The following ADCY10 variants were observed in gnomAD, a reference collection of about 807,000 sequenced individuals.
ADCY10 encodes the protein adenylate cyclase type 10.
ADCY10 carries 156 observed loss-of-function variants against 183.3 expected under a neutral mutation model. That is an observed-to-expected ratio of 0.85 (90% confidence interval 0.75 to 0.97). The LOEUF is 0.97. Among genes scored for constraint, ADCY10 ranks in the 50% least tolerant of loss-of-function variants. ADCY10 has a pLI of 0.00. For missense variants in ADCY10, 1,745 were observed against 1,934.3 expected, an observed-to-expected ratio of 0.90 and a Z score of 1.84; for synonymous variants, 645 against 670.0, an observed-to-expected ratio of 0.96 and a Z score of 0.58.
chr1:167,874,477 A>T (rs1667315816), intron 13 of ADCY10, among the ~76,000 whole-genome samples: 1 of 152,230 alleles, frequency 6.6e-6, no homozygotes. Context: ...GATTGATAAA[A>T]CTAAGTTGTT....
At chr1:167,851,718 G>A (rs1167405151) in intron 18 of ADCY10, among the ~76,000 whole-genome samples, 1 of 151,948 alleles carries the variant, frequency 6.6e-6, no homozygotes, top group Non-Finnish European at 1.5e-5. Context: ...CAGATACTCG[G>A]GAGGCTGAGG....
intron 30 of ADCY10, among the ~76,000 whole-genome samples, 157 bp downstream of exon 30, chr1:167,821,867 T>C (rs1163553436): frequency 6.6e-6 from 1 of 152,234 alleles, no homozygotes; most frequent in Non-Finnish European, 1.5e-5. Context: ...ATGAACTAGT[T>C]GATCCCTAAC....
intron 3 of ADCY10, among the ~76,000 whole-genome samples, chr1:167,902,828 C>T (rs1669531472): frequency 6.6e-6 from 1 of 152,216 alleles, no homozygotes; most frequent in African/African-American, 2.4e-5. Context: ...CTAAAGTTTT[C>T]AGTTCACTCT....
At chr1:167,864,773 G>C (rs1209128446) in intron 14 of ADCY10, among the ~76,000 whole-genome samples, 1 of 152,088 alleles carries the variant, frequency 6.6e-6, no homozygotes, top group East Asian at 1.9e-4. Flanking sequence ...CCACTTTGTT[G>C]TTAGTGTAAA....
In ADCY10 at chr1:167,851,830, G is replaced by T. The variant is rs1279174693; in HGVS notation, c.2308+2523C>A. On this transcript the variant is annotated intron_variant, in intron 18 of 32. Transcript: ENST00000367851. ...AGAGTGTCTCAAAAAAAAAAAAAAA[G>T]AAATTTAACATTGATACAATACTTT... Among the ~76,000 whole-genome samples the T allele has an allele frequency of 3.5e-5, 5 of 144,836 alleles. No individual in the cohort carries two copies. In the South Asian group the frequency reaches 1.1e-3, roughly 32 times the overall value.
intron 3 of ADCY10, 89 bp from the exon 4 acceptor site, chr1:167,902,143 G>T: frequency 7.8e-7 from 1 of 1,275,224 alleles, no homozygotes; most frequent in Admixed American, 1.7e-5. Context: ...TAGAAACTAG[G>T]TCAAAAGAAC....
At chr1:167,900,177 T>C (rs571236601) in intron 5 of ADCY10, among the ~76,000 whole-genome samples, 1 of 152,346 alleles carries the variant, frequency 6.6e-6, no homozygotes, top group African/African-American at 2.4e-5. Flanking sequence ...ATATGACATG[T>C]ACACAAAATA....
Position 167,822,018 on chromosome 1 carries a change from T to G in ADCY10, c.4286+6A>C. 1 of 1,533,054 alleles carries G rather than the reference T, an allele frequency of 6.5e-7. No homozygotes were observed. The highest frequency in any genetic ancestry group is 1.1e-5 in the South Asian group (1 of 89,346). 95.0% of individuals were successfully genotyped at this position (1,533,054 alleles called of 1,614,324 possible). On this transcript the variant is annotated splice_donor_region_variant and intron_variant, in intron 30 of 32. Transcript: ENST00000367851. ...GGGAATTTAGTGATATGCCACACAT[T>G]GTTACCAGATAGCTACAGAGGAATA...
intron 9 of ADCY10, among the ~76,000 whole-genome samples, chr1:167,882,789 C>G (rs983473874): frequency 2.6e-5 from 4 of 152,142 alleles, no homozygotes; most frequent in African/African-American, 9.7e-5. Flanking sequence ...ATCCCAGCCT[C>G]CCCCTTACTA....
At chr1:167,897,301 C>A (rs1302792215) in intron 6 of ADCY10, among the ~76,000 whole-genome samples, 1 of 140,178 alleles carries the variant, frequency 7.1e-6, no homozygotes, top group Non-Finnish European at 1.5e-5. Flanking sequence ...GCCTGGGTAA[C>A]AATGGTGAAA....
intron 14 of ADCY10, 151 bp from the exon 15 acceptor site, chr1:167,861,214 T>A: frequency 1.4e-6 from 1 of 702,378 alleles, no homozygotes; most frequent in Non-Finnish European, 2.5e-6. Context: ...TATTGCTGCT[T>A]CTGATATACT....
intron 21 of ADCY10, among the ~76,000 whole-genome samples, chr1:167,844,931 G>A (rs1335025445): frequency 6.6e-6 from 1 of 152,142 alleles, no homozygotes; most frequent in African/African-American, 2.4e-5. Context: ...GTTGCTCTGT[G>A]TCTGACACCC....
intron 21 of ADCY10, 51 bp downstream of exon 21, chr1:167,845,512 C>G (rs1664940829): frequency 6.3e-7 from 1 of 1,580,838 alleles, no homozygotes; most frequent in African/African-American, 1.3e-5. Context: ...AGATCTTAGT[C>G]TCTAGATTTC....
At chr1:167,904,346 A>G (rs1347336749) in intron 2 of ADCY10, among the ~76,000 whole-genome samples, 1 of 151,978 alleles carries the variant, frequency 6.6e-6, no homozygotes, top group African/African-American at 2.4e-5. Context: ...TCGGCCTCCA[A>G]AAGTGTTGGG....
chr1:167,810,874 C>A lies in ADCY10; in HGVS notation c.4522G>T (p.Val1508Phe). ...NLVAQNTTGP[V>F]FCPRLYHLMA... ...AGGTGGTAGAGCCTTGGGCAAAAGA[C>A]AGGGCCAGTGGTATTTTGAGCCACC... Residue 1508 changes from valine to phenylalanine, a missense_variant, in exon 32 of 33, where the codon GTC becomes TTC. By Grantham distance (50) the Val-to-Phe change is conservative. Coordinates refer to ENST00000367851, the MANE Select transcript of ADCY10 (RefSeq NM_018417.6). 1 of 1,614,082 alleles carries A rather than the reference C, an allele frequency of 6.2e-7. No individual in the cohort carries two copies. The highest frequency in any genetic ancestry group is 8.5e-7 in the Non-Finnish European group (1 of 1,179,996).
chr1:167,822,203 A>G (rs1662956493), intron 29 of ADCY10, 62 bp from the exon 30 acceptor site: 2 of 1,073,982 alleles, frequency 1.9e-6, no homozygotes, highest in Non-Finnish European at 2.9e-6. Context: ...TTTCTAGCCT[A>G]GTCACTCTCA....
rs1312219819 is a variant in ADCY10 at position 167,905,183 on chromosome 1, T to A, written c.-43A>T. ...AGGATTTTATGGTGACAGGAAGCAGTCTCCAAATAGGTCTTCTAAAAAGAA... is the reference window on the plus strand; with the variant it reads ...AGGATTTTATGGTGACAGGAAGCAGACTCCAAATAGGTCTTCTAAAAAGAA... On this transcript the variant is annotated 5_prime_UTR_variant, in exon 2 of 33. Coordinates refer to ENST00000367851, the MANE Select transcript of ADCY10 (RefSeq NM_018417.6). The A allele has an allele frequency of 3.1e-6, 5 of 1,611,608 alleles. No individual in the cohort carries two copies. In the East Asian group the frequency reaches 1.1e-4, roughly 36 times the overall value.
rs572877200 is a variant in ADCY10 at position 167,897,840 on chromosome 1, C to A, written c.643-1149G>T. Among the ~76,000 whole-genome samples, 9 of 21,748 alleles carry A rather than the reference C, an allele frequency of 4.1e-4. No homozygotes were observed. The East Asian group carries it at 6.0e-3, about 14-fold the overall frequency. 14.3% of individuals were successfully genotyped at this position (21,748 alleles called of 152,430 possible). On this transcript the variant is annotated intron_variant, in intron 6 of 32. Coordinates refer to ENST00000367851, the MANE Select transcript of ADCY10 (RefSeq NM_018417.6). ...TGAAACCCCGTCTCTACTAAAAATA[C>A]AAAAAATTAGCCGGGCGTACTGGCG...
rs369825957 is a variant in ADCY10, at chr1:167,836,549, A to G, written c.3078-9T>C. 106 of 1,528,706 alleles carry G rather than the reference A, an allele frequency of 6.9e-5. No homozygotes were observed. The highest frequency in any genetic ancestry group is 8.9e-5 in the Non-Finnish European group (98 of 1,102,818). The allele number at this position is 1,528,706 out of a possible 1,614,324, so 94.7% of individuals were successfully genotyped here. A position where few individuals can be genotyped will look rare whatever the true frequency, so the allele number is the denominator to read the frequency against. The stretch of plus-strand genomic sequence containing the variant: ...CTCTTATTTCTTCAGGACTGTCCAT[A>G]TGCAGAAATAAATAATAGTAACTTA... On this transcript the variant is annotated splice_polypyrimidine_tract_variant and intron_variant, in intron 22 of 32. Coordinates refer to ENST00000367851, the MANE Select transcript of ADCY10 (RefSeq NM_018417.6).
Sources: allele counts gnomAD v4.1 joint callset (sites outside exome capture counted in the v4.1 genomes callset), GRCh38; gene constraint gnomAD v4.1.1; transcripts MANE v1.5; gene names NCBI Gene and HGNC (gene_info 2026-07-23, HGNC 2026-07-21).